Variants in CLEC16A observed in about 807,000 individuals in gnomAD.
The protein encoded by CLEC16A is C-type lectin domain containing 16A, also known as protein CLEC16A.
Under a neutral mutation model 109.5 loss-of-function variants are expected in CLEC16A, and 51 were observed. That is an observed-to-expected ratio of 0.47 (90% CI 0.37 to 0.59). The LOEUF (loss-of-function observed/expected upper bound fraction) is 0.59. Ranked by LOEUF, CLEC16A falls within the 20% of genes least tolerant of loss-of-function variation. CLEC16A has a pLI of 0.00. For synonymous variants in CLEC16A, 673 were observed against 564.2 expected (o/e 1.19, Z -2.73); for missense variants, 1,339 against 1,394.0 (o/e 0.96, Z 0.63).
chr16:11,055,575 CTTTTTTTTTTTTTT>C (rs71136609), intron 18 of CLEC16A, among the ~76,000 whole-genome samples: 16 of 41,762 alleles, frequency 3.8e-4, no homozygotes, highest in South Asian at 1.5e-3. Flanking sequence ...TTCCCTCTTG[CTTTTTTTTTTTTTT>C]TTTTTTTTTT....
intron 11 of CLEC16A, among the ~76,000 whole-genome samples, chr16:11,010,160 AAAG>A (rs1597028086): frequency 6.6e-6 from 1 of 152,036 alleles, no homozygotes; most frequent in Non-Finnish European, 1.5e-5. Flanking sequence ...TCTTAAAAAA[AAAG>A]AAGATGGTGC....
intron 11 of CLEC16A, among the ~76,000 whole-genome samples, chr16:11,014,032 T>C (rs200703232): frequency 1.3e-5 from 2 of 152,234 alleles, no homozygotes; most frequent in East Asian, 3.8e-4. Flanking sequence ...TGATTTAATT[T>C]TCATTTTAAA....
intron 1 of CLEC16A, among the ~76,000 whole-genome samples, chr16:10,957,045 C>G (rs886479400): frequency 6.6e-6 from 1 of 152,222 alleles, no homozygotes; most frequent in African/African-American, 2.4e-5. Flanking sequence ...GATCCACCCA[C>G]CTTGGCCTCC....
rs1371775208 is a variant in CLEC16A, at chr16:11,012,929, T to C, written c.1304-7264T>C. On this transcript the variant is annotated intron_variant, in intron 11 of 23. Transcript: ENST00000409790. Reference sequence around the variant, plus strand: ...CTCGCATATTTCCAGTTTAGGATCTTGTATGACCAGTGCCTGGGTACTTCA... The same window carrying C: ...CTCGCATATTTCCAGTTTAGGATCTCGTATGACCAGTGCCTGGGTACTTCA... Among the ~76,000 whole-genome samples, 5 of 152,324 alleles carry C rather than the reference T, an allele frequency of 3.3e-5. No individual in the cohort carries two copies. In the East Asian group the frequency reaches 9.6e-4, roughly 29 times the overall value.
intron 10 of CLEC16A, among the ~76,000 whole-genome samples, chr16:10,985,225 A>ATATATG (rs1567543143): frequency 5.7e-4 from 80 of 141,120 alleles, no homozygotes; most frequent in African/African-American, 2.0e-3. Flanking sequence ...AAAAAAATAT[A>ATATATG]TATATATATA....
At chr16:11,042,153 C>A (rs989285696) in intron 14 of CLEC16A, 101 bp from the exon 15 acceptor site, 2 of 816,860 alleles carry the variant, frequency 2.4e-6, no homozygotes, top group Non-Finnish European at 4.0e-6. Flanking sequence ...AGCAGTTGGT[C>A]TATCATGTGA....
At chr16:11,084,316 A>T (rs998470164) in intron 19 of CLEC16A, among the ~76,000 whole-genome samples, 1 of 152,002 alleles carries the variant, frequency 6.6e-6, no homozygotes, top group Non-Finnish European at 1.5e-5. Flanking sequence ...ACTGTGTGTG[A>T]TTTTCTATTT....
chr16:11,089,097 G>A (rs1567301863), intron 19 of CLEC16A, among the ~76,000 whole-genome samples: 1 of 152,050 alleles, frequency 6.6e-6, no homozygotes, highest in Non-Finnish European at 1.5e-5. Flanking sequence ...GCACACATAC[G>A]TATTCCTCTG....
chr16:11,168,989 C>G (rs1444736175), intron 23 of CLEC16A, among the ~76,000 whole-genome samples: 1 of 152,228 alleles, frequency 6.6e-6, no homozygotes, highest in Non-Finnish European at 1.5e-5. Flanking sequence ...GAGATGATAT[C>G]CTTGGAGGGC....
intron 19 of CLEC16A, among the ~76,000 whole-genome samples, chr16:11,085,008 A>G (rs1025784837): frequency 1.3e-5 from 2 of 152,236 alleles, no homozygotes; most frequent in Admixed American, 6.5e-5. Flanking sequence ...CTGGATATAA[A>G]TCAGCAGCCC....
chr16:11,165,166 G>A (rs1481521679), intron 22 of CLEC16A, among the ~76,000 whole-genome samples: 2 of 152,088 alleles, frequency 1.3e-5, no homozygotes, highest in African/African-American at 4.8e-5. Flanking sequence ...GGGCTCCTGG[G>A]CCGGATAAAA....
intron 10 of CLEC16A, among the ~76,000 whole-genome samples, chr16:10,984,112 A>C (rs1258575297): frequency 2.6e-5 from 4 of 152,072 alleles, no homozygotes; most frequent in African/African-American, 9.7e-5. Context: ...TAAAAGGGCC[A>C]GCTCGCCCTG....
intron 13 of CLEC16A, among the ~76,000 whole-genome samples, chr16:11,028,854 C>T (rs2046577505): frequency 6.6e-6 from 1 of 152,234 alleles, no homozygotes; most frequent in Non-Finnish European, 1.5e-5. Flanking sequence ...GCTTTACCTG[C>T]ATCCAGTAAA....
intron 13 of CLEC16A, among the ~76,000 whole-genome samples, chr16:11,025,703 C>G (rs573845649): frequency 5.3e-5 from 8 of 151,990 alleles, no homozygotes; most frequent in Non-Finnish European, 1.2e-4. Context: ...TTGGGTTTTA[C>G]TAAGACAGCC....
intron 10 of CLEC16A, among the ~76,000 whole-genome samples, chr16:10,987,300 G>C (rs2043729656): frequency 6.6e-6 from 1 of 152,152 alleles, no homozygotes; most frequent in East Asian, 1.9e-4. Flanking sequence ...CTCACAAGCA[G>C]GATATTGACA....
intron 22 of CLEC16A, among the ~76,000 whole-genome samples, chr16:11,136,790 C>T (rs1267455229): frequency 2.0e-5 from 3 of 152,238 alleles, no homozygotes; most frequent in Admixed American, 6.5e-5. Flanking sequence ...GGGCCTCCAG[C>T]CCAGCACACA....
chr16:11,175,617 C>T (rs2068718625), intron 23 of CLEC16A, among the ~76,000 whole-genome samples: 2 of 152,200 alleles, frequency 1.3e-5, no homozygotes, highest in Non-Finnish European at 1.5e-5. Context: ...AACAACAAGG[C>T]CATGTCATAG....
intron 20 of CLEC16A, 28 bp downstream of exon 20, chr16:11,120,794 G>T: frequency 6.8e-7 from 1 of 1,469,098 alleles, no homozygotes. Context: ...TCTGGGATCT[G>T]TTCTCAGTTG....
chr16:10,991,011 A>G (rs2043973679), intron 10 of CLEC16A, among the ~76,000 whole-genome samples: 1 of 152,178 alleles, frequency 6.6e-6, no homozygotes, highest in Admixed American at 6.5e-5. Context: ...GCCGTATGCC[A>G]GGCACTGTTC....
Sources: gnomAD v4.1 joint callset for allele counts (sites outside exome capture counted in the v4.1 genomes callset) on GRCh38, gnomAD v4.1.1 for gene constraint, MANE v1.5 for transcripts, NCBI Gene and HGNC (gene_info 2026-07-23, HGNC 2026-07-21) for gene names.